Variants in PRKACB observed in about 807,000 individuals in gnomAD.
PRKACB encodes cAMP-dependent protein kinase catalytic subunit beta.
Under a neutral mutation model 51.4 loss-of-function variants are expected in PRKACB, and 16 were observed. That is an observed-to-expected ratio of 0.31 (90% confidence interval 0.21 to 0.47). The LOEUF is 0.47. PRKACB is among the 20% of genes least tolerant of loss of function. PRKACB has a pLI of 1.00. For synonymous variants in PRKACB, 147 were observed against 154.4 expected (o/e 0.95, Z 0.35); for missense variants, 309 against 464.5 (o/e 0.67, Z 3.08).
chr1:84,187,788 CTT>C (rs1349406349), intron 5 of PRKACB, among the ~76,000 whole-genome samples: 1 of 152,082 alleles, frequency 6.6e-6, no homozygotes, highest in Non-Finnish European at 1.5e-5. Context: ...ACATAGGAAT[CTT>C]GGATTTAAAA....
chr1:84,179,342 G>T, intron 2 of PRKACB, 104 bp downstream of exon 2: 2 of 1,309,236 alleles, frequency 1.5e-6, no homozygotes, highest in Non-Finnish European at 1.0e-6. Flanking sequence ...TTTTCATGTG[G>T]TGTTAGTAAA....
chr1:84,090,201 C>A (rs962954551), intron 1 of PRKACB, among the ~76,000 whole-genome samples: 5 of 152,176 alleles, frequency 3.3e-5, no homozygotes, highest in African/African-American at 1.2e-4. Flanking sequence ...CCTCTGACTT[C>A]TCCATTATCT....
intron 1 of PRKACB, among the ~76,000 whole-genome samples, chr1:84,113,835 G>T (rs1650424705): frequency 6.6e-6 from 1 of 152,060 alleles, no homozygotes; most frequent in Non-Finnish European, 1.5e-5. Context: ...CAGGGATAGG[G>T]GTGAGAATGG....
chr1:84,231,521 G>A (rs1675653763), intron 9 of PRKACB, among the ~76,000 whole-genome samples: 1 of 152,148 alleles, frequency 6.6e-6, no homozygotes, highest in African/African-American at 2.4e-5. Context: ...TGTACCTCTG[G>A]TAGAATTCGG....
intron 1 of PRKACB, among the ~76,000 whole-genome samples, chr1:84,118,971 G>A (rs1157251204): frequency 6.6e-6 from 1 of 152,124 alleles, no homozygotes; most frequent in Non-Finnish European, 1.5e-5. Context: ...TATTCAAACT[G>A]ATTGAAACAG....
At chr1:84,226,495 G>C (rs920435391) in intron 9 of PRKACB, among the ~76,000 whole-genome samples, 2 of 151,932 alleles carry the variant, frequency 1.3e-5, no homozygotes, top group Admixed American at 6.6e-5. Context: ...TTTATATTTT[G>C]GTTGCTATTA....
chr1:84,181,807 G>A (rs912052158), intron 2 of PRKACB: 48 of 1,017,472 alleles, frequency 4.7e-5, no homozygotes, highest in Non-Finnish European at 6.3e-5. Flanking sequence ...AGTCTGTATG[G>A]CTTCTATGAC....
intron 9 of PRKACB, among the ~76,000 whole-genome samples, chr1:84,231,403 C>T (rs1337495997): frequency 6.6e-6 from 1 of 152,130 alleles, no homozygotes; most frequent in African/African-American, 2.4e-5. Context: ...GTGTCTCTGC[C>T]TGGCTTTGGT....
At chr1:84,088,011 T>A (rs1048216117) in intron 1 of PRKACB, among the ~76,000 whole-genome samples, 1 of 152,112 alleles carries the variant, frequency 6.6e-6, no homozygotes, top group African/African-American at 2.4e-5. Flanking sequence ...AGGAAGTGGA[T>A]TATAGGACGT....
chr1:84,164,283 G>T, intron 1 of PRKACB: 2 of 1,489,556 alleles, frequency 1.3e-6, no homozygotes, highest in Middle Eastern at 3.5e-4. Flanking sequence ...AAGATTCATC[G>T]CCAATAGTCA....
chr1:84,148,647 C>G (rs1463367731), intron 1 of PRKACB, among the ~76,000 whole-genome samples: 2 of 152,086 alleles, frequency 1.3e-5, no homozygotes, highest in Non-Finnish European at 2.9e-5. Context: ...GGCCATTAAC[C>G]AAAAGCAGTC....
At position 84,134,594 on chromosome 1, in the gene PRKACB, T is replaced by A. The variant is rs144255743; in HGVS notation, c.47-44583T>A. ...CTAAAAAGGATTCTAAAGAGAGATA[T>A]AAGTGAAATGTTAAGAGATAAGATT... On this transcript the variant is annotated intron_variant, in intron 1 of 8. Coordinates refer to the PRKACB transcript ENST00000370688. Among the ~76,000 whole-genome samples, 13 of 151,624 alleles carry A rather than the reference T, an allele frequency of 8.6e-5. No homozygotes were observed. In the East Asian group the frequency reaches 2.3e-3, roughly 27 times the overall value.
chr1:84,199,077 GTA>G (rs1390213315), intron 7 of PRKACB, among the ~76,000 whole-genome samples: 2 of 48,844 alleles, frequency 4.1e-5, no homozygotes, highest in Admixed American at 2.0e-4. Context: ...ATGCATATAT[GTA>G]TATATATGCG....
intron 2 of PRKACB, chr1:84,181,813 A>G (rs1464647194): frequency 8.4e-6 from 8 of 957,450 alleles, no homozygotes; most frequent in East Asian, 2.9e-5. Flanking sequence ...TATGGCTTCT[A>G]TGACTCTTTG....
intron 9 of PRKACB, among the ~76,000 whole-genome samples, chr1:84,232,716 C>G (rs924046235): frequency 4.6e-5 from 7 of 151,984 alleles, no homozygotes; most frequent in Non-Finnish European, 8.8e-5. Flanking sequence ...TCTGTTTTAT[C>G]AGAGACTAGG....
At chr1:84,175,733 C>CTTT in intron 1 of PRKACB, 1 of 1,264,734 alleles carries the variant, frequency 7.9e-7, no homozygotes, top group South Asian at 1.6e-5. Flanking sequence ...AATTGTCTCT[C>CTTT]TTTTTTTTTT....
intron 9 of PRKACB, among the ~76,000 whole-genome samples, chr1:84,217,908 C>T (rs565163872): frequency 6.6e-6 from 1 of 152,190 alleles, no homozygotes; most frequent in East Asian, 1.9e-4. Flanking sequence ...CCAGTTGTCC[C>T]CTCCATATTT....
At chr1:84,146,544 A>G (rs756685756) in intron 1 of PRKACB, among the ~76,000 whole-genome samples, 7 of 151,994 alleles carry the variant, frequency 4.6e-5, no homozygotes, top group Non-Finnish European at 7.4e-5. Context: ...ACAAAGTTTC[A>G]TATGAACCAC....
chr1:84,117,700 T>G (rs567989849), intron 1 of PRKACB, among the ~76,000 whole-genome samples: 48 of 152,322 alleles, frequency 3.2e-4, no homozygotes, highest in African/African-American at 1.1e-3. Context: ...TTGGTTAGTA[T>G]AGCTAGCAGT....
Sources: allele counts gnomAD v4.1 joint callset (sites outside exome capture counted in the v4.1 genomes callset), GRCh38; gene constraint gnomAD v4.1.1; transcripts MANE v1.5; gene names NCBI Gene and HGNC (gene_info 2026-07-23, HGNC 2026-07-21).